The following UST variants were observed in gnomAD, a reference collection of about 807,000 sequenced individuals.
The protein encoded by UST is uronyl 2-sulfotransferase, also known as chondroitin sulfate 2-O-sulfotransferase.
UST carries 21 observed loss-of-function variants against 45.6 expected under a neutral mutation model. The ratio of observed to expected loss-of-function variants is 0.46; its 90% CI spans 0.33 to 0.66. The LOEUF (loss-of-function observed/expected upper bound fraction) is 0.66, where lower values mean the gene tolerates loss of function less well. Ranked by LOEUF, UST falls within the 30% of genes least tolerant of loss-of-function variation. The pLI is 0.02. For missense variants in UST, 463 were observed against 512.4 expected (o/e 0.90, Z 0.93); for synonymous variants, 215 against 200.6 (o/e 1.07, Z -0.61).
intron 6 of UST, among the ~76,000 whole-genome samples, chr6:149,020,489 G>A (rs76508499): frequency 0.034 from 5,101 of 152,164 alleles, 303 homozygotes; most frequent in African/African-American, 0.12. Flanking sequence ...TCAGATTTTT[G>A]AATTTTCTAA....
intron 1 of UST, among the ~76,000 whole-genome samples, chr6:148,755,895 T>C (rs1776086539): frequency 6.6e-6 from 1 of 152,112 alleles, no homozygotes; most frequent in Non-Finnish European, 1.5e-5. Flanking sequence ...CTAGGGTACA[T>C]GTGCACAACG....
intron 1 of UST, among the ~76,000 whole-genome samples, chr6:148,821,205 AG>A (rs1728025180): frequency 6.6e-6 from 1 of 151,644 alleles, no homozygotes; most frequent in African/African-American, 2.4e-5. Context: ...TCCTGACCTC[AG>A]GTGATCCACC....
chr6:149,022,003 A>G (rs1775988754), intron 7 of UST, among the ~76,000 whole-genome samples: 1 of 152,254 alleles, frequency 6.6e-6, no homozygotes, highest in South Asian at 2.1e-4. Flanking sequence ...AATTGAAAAT[A>G]CAATTATGAT....
intron 1 of UST, among the ~76,000 whole-genome samples, chr6:148,814,498 C>T (rs1038028731): frequency 2.0e-5 from 3 of 152,032 alleles, no homozygotes; most frequent in African/African-American, 7.2e-5. Context: ...AAAATCATGC[C>T]AAGAGGGCCT....
chr6:149,062,471 T>A (rs867469763), intron 7 of UST, among the ~76,000 whole-genome samples: 1 of 152,190 alleles, frequency 6.6e-6, no homozygotes, highest in Non-Finnish European at 1.5e-5. Context: ...AGCTGGACAC[T>A]GGGGAACTAA....
intron 1 of UST, among the ~76,000 whole-genome samples, chr6:148,812,794 C>T (rs752809407): frequency 8.5e-5 from 13 of 152,156 alleles, no homozygotes; most frequent in Non-Finnish European, 1.6e-4. Context: ...TTTTATTGGT[C>T]GCACAGACCA....
intron 1 of UST, among the ~76,000 whole-genome samples, chr6:148,876,007 G>C (rs1778644441): frequency 6.6e-6 from 1 of 152,068 alleles, no homozygotes; most frequent in Admixed American, 6.5e-5. Context: ...TTCTTGCATT[G>C]CTATAAAGAA....
chr6:148,815,654 G>T (rs1004187482), intron 1 of UST, among the ~76,000 whole-genome samples: 2 of 152,134 alleles, frequency 1.3e-5, no homozygotes, highest in Admixed American at 6.6e-5. Context: ...TATGAAAATT[G>T]TCTTGACCAG....
chr6:149,045,083 G>A (rs1422448706), intron 7 of UST, among the ~76,000 whole-genome samples: 1 of 152,142 alleles, frequency 6.6e-6, no homozygotes, highest in Non-Finnish European at 1.5e-5. Context: ...TTATAATCTA[G>A]TCCTACTTTC....
chr6:148,855,454 G>A (rs565660412), intron 1 of UST, among the ~76,000 whole-genome samples: 3 of 152,344 alleles, frequency 2.0e-5, no homozygotes, highest in South Asian at 4.1e-4. Flanking sequence ...GTGAAAGCCA[G>A]GTGAGGAAGG....
Position 148,748,522 on chromosome 6 carries a change from C to T in UST, c.247+845C>T, listed in dbSNP as rs1465544306. Among the ~76,000 whole-genome samples, 1 of 150,952 alleles carries T rather than the reference C, an allele frequency of 6.6e-6. No homozygotes were observed. The highest frequency in any genetic ancestry group is 2.4e-5 in the African/African-American group (1 of 40,962). ...AGGGGTTTGACGGGAGGGAAAGAGC[C>T]GCTCCAGCGAGAAGGCGTGACCCCG... On this transcript the variant is annotated intron_variant, in intron 1 of 7. Coordinates refer to ENST00000367463, the MANE Select transcript of UST (RefSeq NM_005715.3). The surrounding 1 kb of genome is among the most constrained non-coding windows in gnomAD (Gnocchi z 5.3).
intron 2 of UST, among the ~76,000 whole-genome samples, chr6:148,926,269 A>G (rs976194190): frequency 6.6e-6 from 1 of 152,224 alleles, no homozygotes; most frequent in Non-Finnish European, 1.5e-5. Context: ...AGTGCACTTG[A>G]TTTTGATTTT....
At chr6:148,854,572 CTTAATT>C (rs1778165977) in intron 1 of UST, among the ~76,000 whole-genome samples, 1 of 152,000 alleles carries the variant, frequency 6.6e-6, no homozygotes, top group Admixed American at 6.6e-5. Context: ...TGGAACAAAT[CTTAATT>C]TTAATATTAC....
At chr6:149,042,846 C>G (rs1266086761) in intron 7 of UST, among the ~76,000 whole-genome samples, 2 of 151,664 alleles carry the variant, frequency 1.3e-5, no homozygotes, top group Admixed American at 1.3e-4. Context: ...TCTCAAACTC[C>G]TGGACTCACG....
intron 1 of UST, among the ~76,000 whole-genome samples, chr6:148,778,267 G>A (rs946601513): frequency 1.3e-5 from 2 of 152,038 alleles, no homozygotes; most frequent in African/African-American, 2.4e-5. Flanking sequence ...TTTTTCCAAG[G>A]CCACTCAGAA....
chr6:148,964,325 C>T, intron 4 of UST, 85 bp from the exon 5 acceptor site: 16 of 1,527,704 alleles, frequency 1.0e-5, no homozygotes, highest in Non-Finnish European at 1.3e-5. Flanking sequence ...ATAAGTTAAC[C>T]TAGAGGGAAG....
intron 7 of UST, among the ~76,000 whole-genome samples, chr6:149,063,499 G>T (rs1188827453): frequency 6.6e-6 from 1 of 152,166 alleles, no homozygotes; most frequent in Admixed American, 6.5e-5. Context: ...AGCACTATTG[G>T]TCCCAAAAGG....
At chr6:148,946,249 C>T (rs969055021) in intron 3 of UST, among the ~76,000 whole-genome samples, 10 of 152,258 alleles carry the variant, frequency 6.6e-5, no homozygotes, top group Middle Eastern at 3.4e-3. Flanking sequence ...TGGTGGCTCA[C>T]GCCTGTAATC....
chr6:149,039,132 T>C (rs1776275740), intron 7 of UST, among the ~76,000 whole-genome samples: 1 of 152,172 alleles, frequency 6.6e-6, no homozygotes, highest in African/African-American at 2.4e-5. Flanking sequence ...TCTCTGCCTT[T>C]CCTGTAACAC....
Sources: allele counts gnomAD v4.1 joint callset (sites outside exome capture counted in the v4.1 genomes callset), GRCh38; gene constraint gnomAD v4.1.1; non-coding constraint Gnocchi (gnomAD v3.1); transcripts MANE v1.5; gene names NCBI Gene and HGNC (gene_info 2026-07-23, HGNC 2026-07-21).